GRIN2A: variants seen among roughly 807,000 people sequenced by gnomAD.
GRIN2A encodes the protein glutamate ionotropic receptor NMDA type subunit 2A, also known as glutamate receptor ionotropic, NMDA 2A.
A neutral mutation model predicts 113.4 loss-of-function variants in GRIN2A; 22 were observed. That is an observed-to-expected ratio of 0.19 (90% CI 0.14 to 0.28). The LOEUF (loss-of-function observed/expected upper bound fraction) is 0.28, where lower values mean the gene tolerates loss of function less well. GRIN2A is among the 10% of genes least tolerant of loss of function. The pLI is 1.00. For missense variants in GRIN2A, 1,502 were observed against 1,887.0 expected (o/e 0.80, Z 3.78); for synonymous variants, 827 against 738.4 (o/e 1.12, Z -1.94).
intron 2 of GRIN2A, among the ~76,000 whole-genome samples, chr16:10,113,454 C>G (rs2048665736): frequency 6.6e-6 from 1 of 152,248 alleles, no homozygotes; most frequent in Admixed American, 6.5e-5. Context: ...TCATGGCCGC[C>G]TGCCCATCAT....
At chr16:10,117,373 T>C (rs1245690695) in intron 2 of GRIN2A, among the ~76,000 whole-genome samples, 1 of 152,178 alleles carries the variant, frequency 6.6e-6, no homozygotes, top group Non-Finnish European at 1.5e-5. Flanking sequence ...TCCAAAATAA[T>C]CTACTGTGGG....
chr16:9,957,283 A>T (rs2045330648), intron 2 of GRIN2A, among the ~76,000 whole-genome samples: 1 of 152,076 alleles, frequency 6.6e-6, no homozygotes, highest in African/African-American at 2.4e-5. Context: ...TATTTAAGGG[A>T]GCTGCCCATG....
chr16:10,087,044 C>T (rs1428318806), intron 2 of GRIN2A, among the ~76,000 whole-genome samples: 2 of 152,168 alleles, frequency 1.3e-5, no homozygotes, highest in Admixed American at 1.3e-4. Flanking sequence ...GGAGAAGCTC[C>T]TGCTATAACA....
At chr16:10,159,634 T>C (rs1351182488) in intron 2 of GRIN2A, among the ~76,000 whole-genome samples, 4 of 152,112 alleles carry the variant, frequency 2.6e-5, no homozygotes, top group Non-Finnish European at 2.9e-5. Flanking sequence ...AATCCCATTT[T>C]ACAGATGAGG....
At chr16:9,834,026 G>A (rs2042544312) in intron 8 of GRIN2A, 79 bp downstream of exon 8, 2 of 1,396,932 alleles carry the variant, frequency 1.4e-6, no homozygotes, top group Non-Finnish European at 1.0e-6. Context: ...CTAGAGTAAT[G>A]TGTTCTAAAA....
intron 2 of GRIN2A, among the ~76,000 whole-genome samples, chr16:10,018,420 A>T (rs2046650436): frequency 6.6e-6 from 1 of 152,152 alleles, no homozygotes; most frequent in Admixed American, 6.5e-5. Context: ...AGTTGATGTG[A>T]CAGAAGCCCC....
intron 2 of GRIN2A, among the ~76,000 whole-genome samples, chr16:10,175,562 A>T (rs143549089): frequency 5.4e-4 from 82 of 152,348 alleles, no homozygotes; most frequent in African/African-American, 1.9e-3. Context: ...TACAATGAAA[A>T]GGCATTATTT....
At chr16:9,890,912 A>C (rs954949140) in intron 4 of GRIN2A, 74 bp downstream of exon 4, 2 of 918,782 alleles carry the variant, frequency 2.2e-6, no homozygotes, top group Non-Finnish European at 3.6e-6. Flanking sequence ...CGTGGGAGAA[A>C]GAAGCACTGT....
intron 3 of GRIN2A, chr16:9,937,725 GA>G: frequency 5.4e-6 from 3 of 555,138 alleles, no homozygotes; most frequent in South Asian, 2.0e-5. Context: ...AGGTTTCCAA[GA>G]TATATTGTTG....
intron 3 of GRIN2A, among the ~76,000 whole-genome samples, chr16:9,919,237 T>C (rs544499004): frequency 3.3e-5 from 5 of 152,186 alleles, no homozygotes; most frequent in Admixed American, 1.3e-4. Flanking sequence ...TAAAGTCAGA[T>C]CATGGCTCTG....
chr16:9,866,420 C>G (rs539987055), intron 4 of GRIN2A, among the ~76,000 whole-genome samples: 2 of 152,054 alleles, frequency 1.3e-5, no homozygotes, highest in East Asian at 3.9e-4. Context: ...GGAAGTTGTC[C>G]AAACAGGAAG....
chr16:9,937,681 T>TAGAC, intron 3 of GRIN2A: 1 of 475,144 alleles, frequency 2.1e-6, no homozygotes, highest in Non-Finnish European at 3.9e-6. Context: ...GATACAGCCA[T>TAGAC]AGACAGACAG....
intron 2 of GRIN2A, among the ~76,000 whole-genome samples, chr16:9,990,301 T>A (rs1369873022): frequency 6.6e-6 from 1 of 152,108 alleles, no homozygotes; most frequent in Admixed American, 6.5e-5. Context: ...AAGTAACACA[T>A]GTTCTCACTA....
intron 4 of GRIN2A, among the ~76,000 whole-genome samples, chr16:9,874,910 A>G (rs967015703): frequency 4.0e-5 from 6 of 151,728 alleles, no homozygotes; most frequent in African/African-American, 1.5e-4. Context: ...ATCTAGCAAA[A>G]CCCTGTCTCT....
At chr16:10,014,932 C>T (rs1395567902) in intron 2 of GRIN2A, among the ~76,000 whole-genome samples, 1 of 151,880 alleles carries the variant, frequency 6.6e-6, no homozygotes, top group African/African-American at 2.4e-5. Flanking sequence ...AGCAGGAGGA[C>T]ATTAGAAGGT....
chr16:10,140,709 T>A (rs911019482), intron 2 of GRIN2A, among the ~76,000 whole-genome samples: 1 of 152,108 alleles, frequency 6.6e-6, no homozygotes, highest in African/African-American at 2.4e-5. Context: ...ATGTGATTGG[T>A]TGATTTATGG....
chr16:10,091,680 T>C (rs956966192), intron 2 of GRIN2A, among the ~76,000 whole-genome samples: 1 of 152,204 alleles, frequency 6.6e-6, no homozygotes, highest in Non-Finnish European at 1.5e-5. Context: ...GGAATGTTAT[T>C]TGGAAATAGA....
intron 2 of GRIN2A, among the ~76,000 whole-genome samples, chr16:10,057,977 G>A (rs535837332): frequency 2.0e-5 from 3 of 152,204 alleles, no homozygotes; most frequent in African/African-American, 4.8e-5. Flanking sequence ...ATACGTGGCC[G>A]GGTGTGGTGG....
In GRIN2A at chr16:9,764,073, G is replaced by T. The variant is rs749175723; in HGVS notation, c.3471C>A (p.Asn1157Lys). 6.2e-7 allele frequency: 1 copy of T among 1,613,524 alleles called. No homozygotes were observed. Among genetic ancestry groups the T allele is most frequent in the Non-Finnish European group, 8.5e-7 (1 of 1,179,618 alleles). ...GCAGCGTGGAGTCCCCCTTGCGGAA[G>T]TTTTCACTGGGATCCTGGTAGGGGT... ...FPDPYQDPSE[N>K]FRKGDSTLPM... The change falls in exon 13 of 13, where the codon AAC (asparagine) becomes AAA (lysine). Residue 1157 changes from asparagine (N) to lysine (K), a missense_variant. Transcript: ENST00000330684.
Sources: allele counts gnomAD v4.1 joint callset (sites outside exome capture counted in the v4.1 genomes callset), GRCh38; gene constraint gnomAD v4.1.1; transcripts MANE v1.5; gene names NCBI Gene and HGNC (gene_info 2026-07-23, HGNC 2026-07-21).